The following RCOR1 variants were observed in gnomAD, a reference collection of about 807,000 sequenced individuals.
The protein encoded by RCOR1 is REST corepressor.
Under a neutral mutation model 64.0 loss-of-function variants are expected in RCOR1, and 12 were observed. The ratio of observed to expected loss-of-function variants is 0.19; its 90% confidence interval spans 0.12 to 0.30. The LOEUF is 0.30. RCOR1 is among the 10% of genes least tolerant of loss of function. The pLI is 1.00. For missense variants in RCOR1, 502 were observed against 621.2 expected (o/e 0.81, Z 2.04); for synonymous variants, 279 against 227.2 (o/e 1.23, Z -2.05).
At chr14:102,644,854 C>G (rs1894447866) in intron 2 of RCOR1, among the ~76,000 whole-genome samples, 1 of 152,178 alleles carries the variant, frequency 6.6e-6, no homozygotes, top group Non-Finnish European at 1.5e-5. Flanking sequence ...GTTCTGGTGC[C>G]TGGGAATGAT....
At chr14:102,630,033 C>T in intron 2 of RCOR1, 1 of 964,616 alleles carries the variant, frequency 1.0e-6, no homozygotes, top group Non-Finnish European at 1.2e-6. Flanking sequence ...ATTACTTAAC[C>T]ACTGCTATAG....
chr14:102,723,115 TAAGA>T (rs1896194715), intron 11 of RCOR1, among the ~76,000 whole-genome samples: 2 of 152,240 alleles, frequency 1.3e-5, no homozygotes, highest in Admixed American at 6.5e-5. Flanking sequence ...GGGCTGGGCA[TAAGA>T]AAGAGTTACT....
At chr14:102,676,304 T>C (rs1895150865) in intron 2 of RCOR1, among the ~76,000 whole-genome samples, 3 of 140,670 alleles carry the variant, frequency 2.1e-5, no homozygotes, top group African/African-American at 8.3e-5. Context: ...GAAGCGCCCC[T>C]CACCTCCCGG....
intron 3 of RCOR1, among the ~76,000 whole-genome samples, chr14:102,685,546 G>C (rs946007371): frequency 6.6e-6 from 1 of 150,934 alleles, no homozygotes; most frequent in Non-Finnish European, 1.5e-5. Flanking sequence ...GCAGTTGTGC[G>C]ATCTTGGCTC....
intron 2 of RCOR1, among the ~76,000 whole-genome samples, chr14:102,616,224 G>A (rs201112252): frequency 4.8e-5 from 4 of 84,040 alleles, no homozygotes; most frequent in South Asian, 5.2e-4. Flanking sequence ...GTGTGTGTGT[G>A]TGTGTGTGTG....
At chr14:102,716,533 T>C (rs1294165902) in intron 8 of RCOR1, among the ~76,000 whole-genome samples, 1 of 152,044 alleles carries the variant, frequency 6.6e-6, no homozygotes, top group Non-Finnish European at 1.5e-5. Flanking sequence ...GTATTTGTTG[T>C]TACATGTCGG....
chr14:102,650,208 A>AT lies in RCOR1; in HGVS notation c.362-31687_362-31686insT, dbSNP rs1399894206. ...GCGAGACTCCACCGCAAAAAAAAAA[A>AT]AAAAAAGAATCATAGTGGCCATGGG... On this transcript the variant is annotated intron_variant, in intron 2 of 11. Coordinates refer to ENST00000262241, the MANE Select transcript of RCOR1 (RefSeq NM_015156.4). 3.6e-4 allele frequency among the ~76,000 whole-genome samples: 55 copies of AT among 151,554 alleles called. No homozygotes were observed. In the East Asian group the frequency reaches 0.011, roughly 29 times the overall value.
At chr14:102,716,236 G>T (rs1330710710) in intron 8 of RCOR1, among the ~76,000 whole-genome samples, 1 of 151,790 alleles carries the variant, frequency 6.6e-6, no homozygotes, top group East Asian at 1.9e-4. Flanking sequence ...TTTTTTTTCT[G>T]TCAGGTTGCG....
chr14:102,656,140 T>A (rs1258914628), intron 2 of RCOR1: 2 of 976,570 alleles, frequency 2.0e-6, no homozygotes, highest in Middle Eastern at 5.3e-4. Context: ...TTTTTTTATT[T>A]TTTTTATTTT....
chr14:102,643,602 A>G (rs983822193), intron 2 of RCOR1, among the ~76,000 whole-genome samples: 10 of 152,146 alleles, frequency 6.6e-5, no homozygotes, highest in African/African-American at 2.2e-4. Context: ...GGTTGGCCCT[A>G]AGCTGATGGG....
intron 6 of RCOR1, among the ~76,000 whole-genome samples, chr14:102,710,081 C>T (rs1381271260): frequency 6.6e-6 from 1 of 152,144 alleles, no homozygotes; most frequent in East Asian, 1.9e-4. Flanking sequence ...GGGACTGGGA[C>T]AAAATTCCCT....
intron 2 of RCOR1, among the ~76,000 whole-genome samples, chr14:102,606,178 G>A (rs546401057): frequency 4.3e-4 from 66 of 152,194 alleles, no homozygotes; most frequent in South Asian, 2.9e-3. Flanking sequence ...TGCCTGCTTC[G>A]GCCTCCGAAA....
chr14:102,608,822 C>G (rs1179677597), intron 2 of RCOR1, among the ~76,000 whole-genome samples: 2 of 152,002 alleles, frequency 1.3e-5, no homozygotes, highest in Non-Finnish European at 2.9e-5. Flanking sequence ...GCCTCAGCCT[C>G]CCAAAATGCT....
intron 2 of RCOR1, chr14:102,656,152 T>A (rs919268158): frequency 7.2e-6 from 7 of 972,790 alleles, no homozygotes; most frequent in Non-Finnish European, 8.6e-6. Flanking sequence ...TTTTATTTTT[T>A]TTTTGGAGAC....
intron 2 of RCOR1, among the ~76,000 whole-genome samples, chr14:102,618,789 G>T (rs1310758154): frequency 6.6e-6 from 1 of 152,144 alleles, no homozygotes; most frequent in Non-Finnish European, 1.5e-5. Context: ...AGGTATGCCT[G>T]GGGCATAAAC....
At chr14:102,675,856 C>G (rs937169572) in intron 2 of RCOR1, among the ~76,000 whole-genome samples, 2 of 152,068 alleles carry the variant, frequency 1.3e-5, no homozygotes, top group Non-Finnish European at 2.9e-5. Flanking sequence ...TTCAGAGTGT[C>G]GTATGAATGA....
chr14:102,714,270 C>A (rs547936122), intron 7 of RCOR1, among the ~76,000 whole-genome samples, 153 bp from the exon 8 acceptor site: 5 of 152,324 alleles, frequency 3.3e-5, no homozygotes, highest in Non-Finnish European at 7.4e-5. Context: ...TGTCTGTGAA[C>A]TGCCTGTTAG....
At chr14:102,636,710 C>T (rs1894246518) in intron 2 of RCOR1, among the ~76,000 whole-genome samples, 1 of 151,958 alleles carries the variant, frequency 6.6e-6, no homozygotes, top group Admixed American at 6.6e-5. Context: ...TGGCTCACAC[C>T]TGTAATCCCA....
At chr14:102,624,798 T>TGGC (rs1472091177) in intron 2 of RCOR1, among the ~76,000 whole-genome samples, 5 of 151,654 alleles carry the variant, frequency 3.3e-5, no homozygotes, top group African/African-American at 1.2e-4. Context: ...CATTACTTAA[T>TGGC]CTCTTAGCCT....
Sources: allele counts gnomAD v4.1 joint callset (sites outside exome capture counted in the v4.1 genomes callset), GRCh38; gene constraint gnomAD v4.1.1; transcripts MANE v1.5; gene names NCBI Gene and HGNC (gene_info 2026-07-23, HGNC 2026-07-21).